The following ARVCF variants were observed in gnomAD, a reference collection of about 807,000 sequenced individuals.
ARVCF encodes splicing regulator ARVCF.
A neutral mutation model predicts 90.9 loss-of-function variants in ARVCF; 66 were observed. That is an observed-to-expected ratio of 0.73 (90% confidence interval 0.60 to 0.89). The LOEUF (loss-of-function observed/expected upper bound fraction) is 0.89. Ranked by LOEUF, ARVCF falls within the 40% of genes least tolerant of loss-of-function variation. The pLI is 0.00. For synonymous variants in ARVCF, 653 were observed against 603.4 expected (o/e 1.08, Z -1.21); for missense variants, 1,469 against 1,382.3 (o/e 1.06, Z -1.00).
Position 19,977,461 on chromosome 22 carries a change from G to C in ARVCF, c.1824C>G (p.Arg608=). 1 of 1,567,452 alleles carries C rather than the reference G, an allele frequency of 6.4e-7. No homozygotes were observed. The highest frequency in any genetic ancestry group is 8.6e-7 in the Non-Finnish European group (1 of 1,157,558). Residue 608 remains arginine (R), a synonymous_variant, in exon 9 of 20, where the codon CGC becomes CGG. Coordinates refer to ENST00000263207, the MANE Select transcript of ARVCF (RefSeq NM_001670.3). ...GPLGSAVGSQ[R]RRRDDASCFG... ...AGCAGCTGGCATCATCCCGCCTCCGGCGCTGGGAGCCTACAGCACTGCCCA... is the reference window on the plus strand; with the variant it reads ...AGCAGCTGGCATCATCCCGCCTCCGCCGCTGGGAGCCTACAGCACTGCCCA...
chr22:20,002,933 G>A (rs1235938491), intron 2 of ARVCF, among the ~76,000 whole-genome samples: 1 of 152,122 alleles, frequency 6.6e-6, no homozygotes, highest in East Asian at 1.9e-4. Flanking sequence ...TTTGTGGACT[G>A]ATGACTCCAA....
chr22:19,966,776 G>A (rs925574565), downstream of ARVCF, among the ~76,000 whole-genome samples: 1 of 148,488 alleles, frequency 6.7e-6, no homozygotes. Flanking sequence ...ACAGTCTCTC[G>A]CTCTGTCGCC....
At chr22:19,980,407 C>G in intron 5 of ARVCF, 165 bp from the exon 6 acceptor site, 1 of 1,107,760 alleles carries the variant, frequency 9.0e-7, no homozygotes, top group Non-Finnish European at 1.2e-6. Context: ...GAGAGTCATG[C>G]ACCAGCCCAG....
At chr22:19,966,923 G>A (rs376427752), downstream of ARVCF, 45 of 984,626 alleles carry the variant, frequency 4.6e-5, no homozygotes, top group African/African-American at 7.5e-4. Flanking sequence ...CTCTGACACT[G>A]TCGCTTCTCC....
At chr22:19,996,891 C>T (rs1269637340) in intron 2 of ARVCF, among the ~76,000 whole-genome samples, 6 of 152,286 alleles carry the variant, frequency 3.9e-5, no homozygotes, top group South Asian at 2.1e-4. Context: ...GAGACGCCAT[C>T]GGGGGTTGGG....
Position 19,974,163 on chromosome 22 carries a change from G to A in ARVCF, c.2037C>T (p.Thr679=), listed in dbSNP as rs1330685714. The A allele has an allele frequency of 5.6e-6, 9 of 1,613,068 alleles. No individual in the cohort carries two copies. The Admixed American group carries it at 1.0e-4, about 18-fold the overall frequency. The change falls in exon 12 of 20, where the codon ACC becomes ACT. Residue 679 remains threonine (T), a synonymous_variant. Transcript: ENST00000263207. ...SLLTESRNFN[T]LEAAAGALQN... is the part of the protein sequence containing the mutation. ...GCAGAGCGCCGGCGGCAGCCTCCAG[G>A]GTGTTGAAGTTCCGGCTCTCCGTGA...
At chr22:19,989,220 C>G (rs1006863762) in intron 3 of ARVCF, among the ~76,000 whole-genome samples, 1 of 151,960 alleles carries the variant, frequency 6.6e-6, no homozygotes, top group Non-Finnish European at 1.5e-5. Flanking sequence ...GCCCCAGCAC[C>G]GAGACCCACC....
chr22:19,979,748 A>C lies in ARVCF; in HGVS notation c.1391T>G (p.Val464Gly). ...AARDNEVREL[V>G]TGTLWNLSSY... ...CATGGCCAGGTCCCACTCACCAGTG[A>C]CAAGCTCACGGACCTCGTTGTCCCG... The change falls in exon 6 of 20, where the codon GTC (valine) becomes GGC (glycine). Residue 464 changes from valine to glycine, a missense_variant. Transcript: ENST00000263207. 6.3e-7 allele frequency: 1 copy of C among 1,596,576 alleles called. No individual in the cohort carries two copies.
chr22:19,972,899 TGGAA>T (rs769958712), intron 15 of ARVCF, 22 bp downstream of exon 15: 5 of 1,613,660 alleles, frequency 3.1e-6, no homozygotes, highest in South Asian at 1.1e-5. Flanking sequence ...GAGCAGGGAA[TGGAA>T]GGAAGGCCAG....
intron 2 of ARVCF, among the ~76,000 whole-genome samples, chr22:19,995,410 G>A (rs1243327308): frequency 2.0e-5 from 3 of 151,986 alleles, no homozygotes; most frequent in South Asian, 2.1e-4. Context: ...TGTAAGGGCC[G>A]GTGGGCAGGA....
rs749905895 is a variant in ARVCF at position 19,973,085 on chromosome 22, G to T, written c.2438+34C>A. Reference sequence around the variant, plus strand: ...GTGGTGGCCCCTCCCCCACCTCCGCGGCTCCCCAAGCCACCGACCCCGCCC... The same window carrying T: ...GTGGTGGCCCCTCCCCCACCTCCGCTGCTCCCCAAGCCACCGACCCCGCCC... On this transcript the variant is annotated intron_variant, in intron 14 of 19. Coordinates refer to ENST00000263207, the MANE Select transcript of ARVCF (RefSeq NM_001670.3). 3 of 1,133,964 alleles carry T rather than the reference G, an allele frequency of 2.6e-6. No individual in the cohort carries two copies. In the African/African-American group the frequency reaches 6.2e-5, roughly 23 times the overall value. The allele number at this position is 1,133,964 out of a possible 1,614,324, so 70.2% of individuals were successfully genotyped here. A position where few individuals can be genotyped will look rare whatever the true frequency, so the allele number is the denominator to read the frequency against.
chr22:20,014,260 T>C (rs1944943029), intron 1 of ARVCF, among the ~76,000 whole-genome samples: 1 of 152,096 alleles, frequency 6.6e-6, no homozygotes, highest in African/African-American at 2.4e-5. Context: ...AGTGGTGTGA[T>C]CTTGGCTCAC....
At chr22:19,994,343 G>GA (rs1944144935) in intron 2 of ARVCF, among the ~76,000 whole-genome samples, 1 of 116,690 alleles carries the variant, frequency 8.6e-6, no homozygotes. Context: ...GTGGGAGATA[G>GA]ACATACAGAT....
intron 7 of ARVCF, among the ~76,000 whole-genome samples, chr22:19,978,304 G>A (rs1943278483): frequency 1.3e-5 from 2 of 152,184 alleles, no homozygotes; most frequent in Non-Finnish European, 2.9e-5. Flanking sequence ...GGGGATAGCT[G>A]GGCAGGGAAA....
At chr22:19,966,910 C>T, downstream of ARVCF, 1 of 977,112 alleles carries the variant, frequency 1.0e-6, no homozygotes, top group Non-Finnish European at 1.2e-6. Flanking sequence ...GTGTCACCTG[C>T]TCCTCTGACA....
chr22:20,016,423 C>A (rs1264056370), intron 1 of ARVCF, among the ~76,000 whole-genome samples, 166 bp downstream of exon 1: 4 of 152,104 alleles, frequency 2.6e-5, no homozygotes, highest in African/African-American at 9.7e-5. Flanking sequence ...GAGATTGGCT[C>A]CGACGTCCGG....
chr22:19,988,603 C>T (rs1943909701), intron 3 of ARVCF, among the ~76,000 whole-genome samples: 1 of 152,206 alleles, frequency 6.6e-6, no homozygotes, highest in African/African-American at 2.4e-5. Context: ...AGCAGCACTC[C>T]CCCTAGCCTG....
At chr22:19,968,810 CCTT>C, downstream of ARVCF, 1 of 1,418,598 alleles carries the variant, frequency 7.0e-7, no homozygotes, top group African/African-American at 1.4e-5. Context: ...CTCCTGCTGA[CCTT>C]CTGCGGCTCC....
At chr22:19,992,686 A>G (rs1944073972) in intron 2 of ARVCF, among the ~76,000 whole-genome samples, 2 of 152,146 alleles carry the variant, frequency 1.3e-5, no homozygotes, top group East Asian at 1.9e-4. Context: ...GATGGCAACA[A>G]TCAGGACCAC....
Sources: allele counts gnomAD v4.1 joint callset (sites outside exome capture counted in the v4.1 genomes callset), GRCh38; gene constraint gnomAD v4.1.1; transcripts MANE v1.5; gene names NCBI Gene and HGNC (gene_info 2026-07-23, HGNC 2026-07-21).